Variants in NSD2 observed in about 807,000 individuals in gnomAD.
NSD2 encodes nuclear receptor binding SET domain protein 2, also known as histone-lysine N-methyltransferase NSD2.
NSD2 carries 12 observed loss-of-function variants against 139.0 expected under a neutral mutation model. The ratio of observed to expected loss-of-function variants is 0.09; its 90% CI spans 0.06 to 0.14. NSD2 has a LOEUF of 0.14. Ranked by LOEUF, NSD2 falls within the 10% of genes least tolerant of loss-of-function variation. NSD2 has a pLI of 1.00. For synonymous variants in NSD2, 669 were observed against 648.7 expected, an observed-to-expected ratio of 1.03 and a Z score of -0.48; for missense variants, 1,155 against 1,745.0, an observed-to-expected ratio of 0.66 and a Z score of 6.02.
intron 4 of NSD2, 91 bp from the exon 5 acceptor site, chr4:1,918,050 G>A: frequency 6.8e-7 from 1 of 1,468,570 alleles, no homozygotes; most frequent in Admixed American, 2.2e-5. Flanking sequence ...ATAAGTGCTG[G>A]AATTATAGGC....
rs11545893 is a variant in NSD2 at position 1,980,901 on chromosome 4, A to T, written c.*1992A>T. ...GATTTATGCTCCTTATGATGCCCTA[A>T]CTTGGAAGGTTGTTCTAGGGACAGG... On this transcript the variant is annotated 3_prime_UTR_variant, in exon 22 of 22. Coordinates refer to ENST00000508803, the MANE Select transcript of NSD2 (RefSeq NM_001042424.3). 106 of 233,154 alleles carry T rather than the reference A, an allele frequency of 4.5e-4. No individual in the cohort carries two copies. The highest frequency in any genetic ancestry group is 7.6e-4 in the Non-Finnish European group (90 of 118,042). The allele number at this position is 233,154 out of a possible 1,614,324, so 14.4% of individuals were successfully genotyped here. A position where few individuals can be genotyped will look rare whatever the true frequency, so the allele number is the denominator to read the frequency against.
Position 1,955,042 on chromosome 4 carries a change from C to T in NSD2, c.2339-119C>T, listed in dbSNP as rs1234132741. The T allele has an allele frequency of 1.3e-5, 15 of 1,115,006 alleles. No homozygotes were observed. The highest frequency in any genetic ancestry group is 1.9e-5 in the Non-Finnish European group (15 of 796,076). 69.1% of individuals were successfully genotyped at this position (1,115,006 alleles called of 1,614,324 possible). A position where few individuals can be genotyped will look rare whatever the true frequency, so the allele number is the denominator to read the frequency against. ...AAAGCTTTTTTTAAATCAAATACCT[C>T]CATTTCATTTTAGCATTAACTTTTC... On this transcript the variant is annotated intron_variant, in intron 12 of 21. Coordinates refer to ENST00000508803, the MANE Select transcript of NSD2 (RefSeq NM_001042424.3). The surrounding 1 kb of genome is among the most constrained non-coding windows in gnomAD (Gnocchi z 4.7).
At chr4:1,928,108 G>C (rs963903255) in intron 5 of NSD2, among the ~76,000 whole-genome samples, 1 of 145,522 alleles carries the variant, frequency 6.9e-6, no homozygotes, top group Non-Finnish European at 1.5e-5. Flanking sequence ...TTTCTCTGTT[G>C]CCTAGGCTGG....
chr4:1,910,008 A>T (rs537741491), intron 3 of NSD2, among the ~76,000 whole-genome samples: 1 of 152,290 alleles, frequency 6.6e-6, no homozygotes, highest in African/African-American at 2.4e-5. Flanking sequence ...CGTGTATCTT[A>T]GTAATATACT....
chr4:1,896,469 A>C (rs1716321059), intron 1 of NSD2, among the ~76,000 whole-genome samples: 2 of 152,236 alleles, frequency 1.3e-5, no homozygotes, highest in Admixed American at 1.3e-4. Context: ...CCTGAGCCCA[A>C]GCCATCCTCA....
In NSD2 at chr4:1,982,115, G is replaced by A; in HGVS notation, c.*3206G>A. 1 of 396,450 alleles carries A rather than the reference G, an allele frequency of 2.5e-6. No individual in the cohort carries two copies. The allele number at this position is 396,450 out of a possible 1,614,324, so 24.6% of individuals were successfully genotyped here. A position where few individuals can be genotyped will look rare whatever the true frequency, so the allele number is the denominator to read the frequency against. On this transcript the variant is annotated 3_prime_UTR_variant, in exon 22 of 22. Transcript: ENST00000508803. ...GAGAGTTGAGACTTGCCAGTTGGGG[G>A]AAAATAGCATTTAAAATGGAAAGCT...
At chr4:1,899,107 A>G (rs986202570) in intron 1 of NSD2, 57 of 152,220 alleles carry the variant, frequency 3.7e-4, no homozygotes, top group African/African-American at 1.4e-3. Flanking sequence ...GACAGAACAC[A>G]TTTGTATGTG....
In NSD2 at chr4:1,955,205, G is replaced by A. The variant is rs1190376594; in HGVS notation, c.2383G>A (p.Gly795Arg). ...CCGCTGCCCCGTTGCCTATCACAGCGGGGATGCTTGTCTGGCAGCAGGATG... is the reference window on the plus strand; with the variant it reads ...CCGCTGCCCCGTTGCCTATCACAGCAGGGATGCTTGTCTGGCAGCAGGATG... ...CVRCPVAYHS[G>R]DACLAAGCSV... Residue 795 changes from glycine (G) to arginine (R), a missense_variant, in exon 13 of 22, where the codon GGG becomes AGG. By Grantham distance (125) the Gly-to-Arg change is moderately radical. Transcript: ENST00000508803. This position sits in a 1 kb window ranked among gnomAD's most constrained non-coding sequence, Gnocchi z 4.7. 2 of 1,614,046 alleles carry A rather than the reference G, an allele frequency of 1.2e-6. No homozygotes were observed. The highest frequency in any genetic ancestry group is 1.7e-6 in the Non-Finnish European group (2 of 1,179,938).
rs1726645683 is a variant in NSD2 at position 1,972,901 on chromosome 4, G to A, written c.3373-1962G>A. 6.6e-6 allele frequency among the ~76,000 whole-genome samples: 1 copy of A among 152,042 alleles called. No homozygotes were observed. The highest frequency in any genetic ancestry group is 2.4e-5 in the African/African-American group (1 of 41,386). On this transcript the variant is annotated intron_variant, in intron 18 of 21. Transcript: ENST00000508803. The surrounding 1 kb of genome is among the most constrained non-coding windows in gnomAD (Gnocchi z 4.0). ...GGAGTCTCACTCTGTCGCCTAGGCT[G>A]GAGTTCAGTGGCACAATCTCAGCTC...
chr4:1,940,828 G>A, intron 9 of NSD2: 7 of 1,057,198 alleles, frequency 6.6e-6, no homozygotes, highest in Non-Finnish European at 6.9e-6. Context: ...AGGCCTTCCA[G>A]TGCAGGAAGG....
In NSD2 at chr4:1,942,578, A is replaced by C. The variant is rs1723207988; in HGVS notation, c.1881+2800A>C. 1 of 1,349,878 alleles carries C rather than the reference A, an allele frequency of 7.4e-7. No individual in the cohort carries two copies. Among genetic ancestry groups the C allele is most frequent in the African/African-American group, 1.5e-5 (1 of 67,932 alleles). 83.6% of individuals were successfully genotyped at this position (1,349,878 alleles called of 1,614,324 possible). A position where few individuals can be genotyped will look rare whatever the true frequency, so the allele number is the denominator to read the frequency against. On this transcript the variant is annotated intron_variant, in intron 9 of 21. Transcript: ENST00000508803. The surrounding 1 kb of genome is among the most constrained non-coding windows in gnomAD (Gnocchi z 4.0). The stretch of plus-strand genomic sequence containing the variant: ...TTTTAAGACCAAGGTAAGATAACTA[A>C]TCAAGGCCATTTAATCCGTCACATT...
At chr4:1,928,743 C>T (rs1331360275) in intron 5 of NSD2, among the ~76,000 whole-genome samples, 1 of 150,846 alleles carries the variant, frequency 6.6e-6, no homozygotes, top group Non-Finnish European at 1.5e-5. Flanking sequence ...GTGCCAGGGG[C>T]AGAGGTGGGT....
At position 1,942,273 on chromosome 4, in the gene NSD2, TG is replaced by T; in HGVS notation, c.1881+2496del. On this transcript the variant is annotated intron_variant, in intron 9 of 21. Transcript: ENST00000508803. The surrounding 1 kb of genome is among the most constrained non-coding windows in gnomAD (Gnocchi z 4.0). The stretch of plus-strand genomic sequence containing the variant: ...AGGAATTAATGTGATTTAAGTGTTT[TG>T]TAACTTCATTTTTTATTCCTTTAGT... 6.3e-7 allele frequency: 1 copy of T among 1,594,504 alleles called. No homozygotes were observed. Among genetic ancestry groups the T allele is most frequent in the East Asian group, 2.2e-5 (1 of 44,722 alleles).
At chr4:1,909,418 A>G (rs978243920) in intron 3 of NSD2, among the ~76,000 whole-genome samples, 3 of 152,160 alleles carry the variant, frequency 2.0e-5, no homozygotes, top group African/African-American at 7.2e-5. Flanking sequence ...GTCTCCAAGC[A>G]GTGCTGAGCC....
At chr4:1,904,194 G>T in intron 2 of NSD2, 22 bp from the exon 3 acceptor site, 2 of 1,609,408 alleles carry the variant, frequency 1.2e-6, no homozygotes, top group Non-Finnish European at 1.7e-6. Flanking sequence ...GTTAGTGTTT[G>T]TCTTCTGTTG....
rs150312094 is a variant in NSD2, at chr4:1,951,097, C to G, written c.1907C>G (p.Pro636Arg). Residue 636 changes from proline (P) to arginine (R), a missense_variant, in exon 10 of 22, where the codon CCC becomes CGC. By Grantham distance (103) the Pro-to-Arg change is moderately radical. Coordinates refer to ENST00000508803, the MANE Select transcript of NSD2 (RefSeq NM_001042424.3). ...NEVSDSPGDE[P>R]SESPYESADE... ...GTCTCGGACAGCCCGGGAGACGAGC[C>G]CTCGGAGTCCCCATACGAAAGTGCA... The G allele has an allele frequency of 2.8e-5, 45 of 1,614,066 alleles. No individual in the cohort carries two copies. Among genetic ancestry groups the G allele is most frequent in the Non-Finnish European group, 3.6e-5 (43 of 1,180,020 alleles).
At chr4:1,886,800 C>CTGCACTTGAGCCT (rs1158094000) in intron 1 of NSD2, among the ~76,000 whole-genome samples, 1 of 151,954 alleles carries the variant, frequency 6.6e-6, no homozygotes. Context: ...GATCGCGCCA[C>CTGCACTTGAGCCT]TGCACTTGAG....
rs372860761 is a variant in NSD2 at position 1,979,801 on chromosome 4, C to T, written c.*892C>T. 10 of 232,352 alleles carry T rather than the reference C, an allele frequency of 4.3e-5. No individual in the cohort carries two copies. Among genetic ancestry groups the T allele is most frequent in the African/African-American group, 1.1e-4 (5 of 45,402 alleles). The allele number at this position is 232,352 out of a possible 1,614,324, so 14.4% of individuals were successfully genotyped here. A position where few individuals can be genotyped will look rare whatever the true frequency, so the allele number is the denominator to read the frequency against. ...CTAAACCTATTTCACAAATCACCAC[C>T]GACTGAAGTGTGTGTTTACTGATGC... On this transcript the variant is annotated 3_prime_UTR_variant, in exon 22 of 22. Transcript: ENST00000508803.
At chr4:1,923,358 C>A (rs1720420224) in intron 5 of NSD2, among the ~76,000 whole-genome samples, 1 of 151,412 alleles carries the variant, frequency 6.6e-6, no homozygotes, top group African/African-American at 2.4e-5. Context: ...GTCAAGGACA[C>A]CATCGACACA....
Sources: allele counts gnomAD v4.1 joint callset (sites outside exome capture counted in the v4.1 genomes callset), GRCh38; gene constraint gnomAD v4.1.1; non-coding constraint Gnocchi (gnomAD v3.1); transcripts MANE v1.5; gene names NCBI Gene and HGNC (gene_info 2026-07-23, HGNC 2026-07-21).